Variants in XNDC1N observed in about 807,000 individuals in gnomAD.
XNDC1N encodes XRCC1 N-terminal domain containing 1, N-terminal like.
chr11:71,871,499 G>A, the XNDC1N span, among the ~76,000 whole-genome samples: 35 of 152,144 alleles, frequency 2.3e-4, no homozygotes, highest in South Asian at 4.2e-3. Context: ...TATACATTTT[G>A]AAATTGCCAA....
At chr11:71,892,439 C>A in the XNDC1N span, among the ~76,000 whole-genome samples, 6 of 152,106 alleles carry the variant, frequency 3.9e-5, no homozygotes, top group Non-Finnish European at 8.8e-5. Context: ...AGTAATATCT[C>A]TGTAGGATAT....
the XNDC1N span, among the ~76,000 whole-genome samples, chr11:71,898,706 G>C: frequency 6.6e-6 from 1 of 152,178 alleles, no homozygotes; most frequent in Non-Finnish European, 1.5e-5. Context: ...GGCCCCCAGG[G>C]GTGGGCGAGA....
At chr11:71,916,326 T>C in the XNDC1N span, 1 of 684,178 alleles carries the variant, frequency 1.5e-6, no homozygotes, top group Non-Finnish European at 2.7e-6. Context: ...GAAGAAAAGG[T>C]CAATACTAAG....
chr11:71,870,727 T>G, the XNDC1N span, among the ~76,000 whole-genome samples: 1 of 151,052 alleles, frequency 6.6e-6, no homozygotes, highest in Non-Finnish European at 1.5e-5. Context: ...GCATGGGAGG[T>G]GAATAGACAT....
At chr11:71,881,711 G>A in the XNDC1N span, among the ~76,000 whole-genome samples, 1 of 151,982 alleles carries the variant, frequency 6.6e-6, no homozygotes, top group African/African-American at 2.4e-5. Context: ...AAATTTTGGA[G>A]GAAAACTGGT....
At chr11:71,913,665 T>TAAAA in the XNDC1N span, among the ~76,000 whole-genome samples, 30 of 105,326 alleles carry the variant, frequency 2.8e-4, no homozygotes, top group East Asian at 5.3e-4. Context: ...TCTCAAAAGA[T>TAAAA]AAAAAAAAAA....
At chr11:71,865,855 C>T in the XNDC1N span, 1 of 444,752 alleles carries the variant, frequency 2.2e-6, no homozygotes, top group South Asian at 1.6e-5. Flanking sequence ...TTTCTCCCAC[C>T]TGTGAGCAAA....
At chr11:71,908,085 T>C in the XNDC1N span, among the ~76,000 whole-genome samples, 1 of 152,208 alleles carries the variant, frequency 6.6e-6, no homozygotes, top group African/African-American at 2.4e-5. Flanking sequence ...TCCCTGGACA[T>C]TACGAGCAAT....
the XNDC1N span, among the ~76,000 whole-genome samples, chr11:71,890,186 C>T: frequency 2.6e-5 from 4 of 152,094 alleles, no homozygotes; most frequent in African/African-American, 4.8e-5. Flanking sequence ...ATCCTCTCCC[C>T]TCCTCCCCCG....
the XNDC1N span, among the ~76,000 whole-genome samples, chr11:71,874,014 G>A: frequency 1.3e-5 from 2 of 152,172 alleles, no homozygotes; most frequent in Admixed American, 6.5e-5. Context: ...AACAAAGGTT[G>A]GATTTAAGAC....
chr11:71,900,022 A>G, the XNDC1N span, among the ~76,000 whole-genome samples: 2 of 152,260 alleles, frequency 1.3e-5, no homozygotes, highest in Admixed American at 6.5e-5. Flanking sequence ...CTCCACTGAG[A>G]TGTTTGGGTG....
At chr11:71,923,286 A>C in the XNDC1N span, 1 of 702,750 alleles carries the variant, frequency 1.4e-6, no homozygotes, top group Non-Finnish European at 2.6e-6. Flanking sequence ...AAGAAAACAA[A>C]TCATGCCTGC....
the XNDC1N span, among the ~76,000 whole-genome samples, chr11:71,896,178 C>G: frequency 2.0e-5 from 3 of 152,180 alleles, no homozygotes; most frequent in South Asian, 4.1e-4. Context: ...ACTCGGAGGG[C>G]TGAGGCCCAA....
chr11:71,888,175 G>C, the XNDC1N span, among the ~76,000 whole-genome samples: 1 of 152,178 alleles, frequency 6.6e-6, no homozygotes, highest in Non-Finnish European at 1.5e-5. Context: ...GTGGATAGAA[G>C]TGTCCAAGAG....
At chr11:71,891,212 A>AC in the XNDC1N span, among the ~76,000 whole-genome samples, 9 of 151,138 alleles carry the variant, frequency 6.0e-5, no homozygotes, top group South Asian at 2.1e-4. Flanking sequence ...AGGGTGGTGT[A>AC]CCCCCCCTGC....
chr11:71,885,422 AC>A, the XNDC1N span, among the ~76,000 whole-genome samples: 2 of 152,286 alleles, frequency 1.3e-5, no homozygotes, highest in African/African-American at 4.8e-5. Flanking sequence ...GGGGGTGTAC[AC>A]TTCCTGCGAT....
At chr11:71,914,270 T>C in the XNDC1N span, 1 of 456,144 alleles carries the variant, frequency 2.2e-6, no homozygotes, top group African/African-American at 2.0e-5. Flanking sequence ...AGAATACTGG[T>C]GATTCATGGG....
chr11:71,876,054 C>A, the XNDC1N span, among the ~76,000 whole-genome samples: 1 of 151,814 alleles, frequency 6.6e-6, no homozygotes, highest in East Asian at 1.9e-4. Flanking sequence ...AAAAAGAAAA[C>A]CGGCATCAAC....
chr11:71,874,394 T>C, the XNDC1N span, among the ~76,000 whole-genome samples: 2 of 152,168 alleles, frequency 1.3e-5, no homozygotes, highest in African/African-American at 4.8e-5. Context: ...TTGTAATTAT[T>C]AAATGAGAGA....
Sources: allele counts gnomAD v4.1 joint callset (sites outside exome capture counted in the v4.1 genomes callset), GRCh38; gene constraint gnomAD v4.1.1; transcripts MANE v1.5; gene names NCBI Gene and HGNC (gene_info 2026-07-23, HGNC 2026-07-21).